Variants in ZNF385C observed in about 807,000 individuals in gnomAD.
The protein encoded by ZNF385C is zinc finger protein 385C.
In ZNF385C, 28 loss-of-function variants were observed where a neutral mutation model predicts 35.4. That is an observed-to-expected ratio of 0.79 (90% CI 0.59 to 1.08). ZNF385C has a LOEUF of 1.08. ZNF385C is among the 50% of genes least tolerant of loss of function. ZNF385C has a pLI of 0.00. For missense variants in ZNF385C, 605 were observed against 595.6 expected (o/e 1.02, Z -0.16); for synonymous variants, 248 against 248.2 (o/e 1.00, Z 0.01).
intron 1 of ZNF385C, among the ~76,000 whole-genome samples, chr17:42,073,348 C>A (rs1176887287): frequency 2.6e-5 from 4 of 152,036 alleles, no homozygotes; most frequent in African/African-American, 9.7e-5. Flanking sequence ...ATGGGAGAAT[C>A]GCTTGAACCT....
intron 1 of ZNF385C, among the ~76,000 whole-genome samples, chr17:42,084,780 TA>T (rs1248192647): frequency 5.3e-5 from 8 of 151,576 alleles, no homozygotes; most frequent in Admixed American, 4.0e-4. Context: ...CCAGCTAATT[TA>T]AAAAAAAATT....
At position 42,050,723 on chromosome 17, in the gene ZNF385C, G is replaced by C. The variant is rs1402813530; in HGVS notation, c.250+12084C>G. On this transcript the variant is annotated intron_variant, in intron 2 of 8. Coordinates refer to ENST00000692273, the MANE Select transcript of ZNF385C (RefSeq NM_001392013.1). The surrounding 1 kb of genome is among the most constrained non-coding windows in gnomAD (Gnocchi z 5.6). Reference sequence around the variant, plus strand: ...GGGCGGCGCCCCCGGGGCTCACCTGGCCGCGCCCACCTGCGGCGCCTCCCG... The same window carrying C: ...GGGCGGCGCCCCCGGGGCTCACCTGCCCGCGCCCACCTGCGGCGCCTCCCG... 1 of 150,462 alleles carries C rather than the reference G, an allele frequency of 6.6e-6. No individual in the cohort carries two copies. The highest frequency in any genetic ancestry group is 1.5e-5 in the Non-Finnish European group (1 of 67,456). The allele number at this position is 150,462 out of a possible 1,614,324, so 9.3% of individuals were successfully genotyped here.
intron 1 of ZNF385C, among the ~76,000 whole-genome samples, chr17:42,071,475 G>C (rs2053623135): frequency 6.6e-6 from 1 of 152,068 alleles, no homozygotes; most frequent in Admixed American, 6.5e-5. Flanking sequence ...AAAGACAGGG[G>C]CTGGCTCTGC....
chr17:42,080,321 C>A (rs1235290242), intron 1 of ZNF385C, among the ~76,000 whole-genome samples: 1 of 152,156 alleles, frequency 6.6e-6, no homozygotes, highest in Non-Finnish European at 1.5e-5. Context: ...GAAGGAAAGG[C>A]CCTGACTACC....
chr17:42,088,696 TG>T (rs532458952), intron 1 of ZNF385C, among the ~76,000 whole-genome samples: 8 of 152,206 alleles, frequency 5.3e-5, no homozygotes, highest in Non-Finnish European at 1.0e-4. Flanking sequence ...GCCTGGGTGT[TG>T]GGGGGAAGAG....
chr17:42,085,929 A>C (rs1160795354), intron 1 of ZNF385C, among the ~76,000 whole-genome samples: 2 of 151,964 alleles, frequency 1.3e-5, no homozygotes, highest in African/African-American at 4.8e-5. Flanking sequence ...TTAGCCAGGC[A>C]TGGTGGCACA....
intron 1 of ZNF385C, among the ~76,000 whole-genome samples, chr17:42,082,355 A>G (rs1258939052): frequency 1.3e-5 from 2 of 152,228 alleles, no homozygotes; most frequent in African/African-American, 2.4e-5. Context: ...AGAGATTCTG[A>G]TGGAATACCA....
At chr17:42,038,243 G>T in intron 2 of ZNF385C, 1 of 559,052 alleles carries the variant, frequency 1.8e-6, no homozygotes, top group East Asian at 3.3e-5. Flanking sequence ...GATGTGCTGG[G>T]ATTCCATTTT....
intron 1 of ZNF385C, among the ~76,000 whole-genome samples, chr17:42,081,829 G>A (rs536364240): frequency 2.0e-5 from 3 of 152,192 alleles, no homozygotes; most frequent in Non-Finnish European, 4.4e-5. Context: ...GAGCTTGTCC[G>A]GCATCCTAGG....
intron 1 of ZNF385C, among the ~76,000 whole-genome samples, chr17:42,081,819 G>A (rs544912960): frequency 1.3e-5 from 2 of 152,234 alleles, no homozygotes; most frequent in South Asian, 4.1e-4. Flanking sequence ...ACCACCTGAG[G>A]AGCTTGTCCG....
At chr17:42,053,085 C>T (rs2053314080) in intron 2 of ZNF385C, among the ~76,000 whole-genome samples, 2 of 152,210 alleles carry the variant, frequency 1.3e-5, no homozygotes, top group African/African-American at 4.8e-5. Context: ...TTCCTCCCCA[C>T]ATTCTCCAGA....
Position 42,063,026 on chromosome 17 carries a change from C to T in ZNF385C, c.31G>A (p.Ala11Thr), listed in dbSNP as rs1427935991. 3.0e-6 allele frequency: 2 copies of T among 670,104 alleles called. No homozygotes were observed. The highest frequency in any genetic ancestry group is 1.6e-5 in the South Asian group (1 of 62,410). 41.5% of individuals were successfully genotyped at this position (670,104 alleles called of 1,614,324 possible). A position where few individuals can be genotyped will look rare whatever the true frequency, so the allele number is the denominator to read the frequency against. The change falls in exon 2 of 9, where the codon GCT becomes ACT. Residue 11 changes from alanine (A) to threonine (T), a missense_variant. Ala to Thr is a moderately conservative substitution (Grantham distance 58, BLOSUM62 0). Coordinates refer to ENST00000692273, the MANE Select transcript of ZNF385C (RefSeq NM_001392013.1). MKRPLSPPPPAEKETPISGAA... is the reference protein window; with the variant it reads MKRPLSPPPPTEKETPISGAA... ...CCAGATATGGGGGTCTCCTTCTCAG[C>T]CGGTGGGGGTGGGCTCAGTGGCCGC...
chr17:42,066,226 A>G (rs923529217), intron 1 of ZNF385C, among the ~76,000 whole-genome samples: 6 of 151,882 alleles, frequency 4.0e-5, no homozygotes, highest in African/African-American at 1.5e-4. Context: ...CTCCCAGCTA[A>G]TTTTTGTATT....
intron 2 of ZNF385C, among the ~76,000 whole-genome samples, chr17:42,044,783 G>C (rs1207164215): frequency 1.3e-5 from 2 of 152,090 alleles, no homozygotes; most frequent in African/African-American, 4.8e-5. Context: ...CCAGACCTGG[G>C]GCCTCAGACT....
Position 42,026,824 on chromosome 17 carries a change from A to T in ZNF385C, c.*73T>A, listed in dbSNP as rs2052588170. 37 of 1,428,148 alleles carry T rather than the reference A, an allele frequency of 2.6e-5. No homozygotes were observed. Among genetic ancestry groups the T allele is most frequent in the Non-Finnish European group, 3.5e-5 (36 of 1,034,500 alleles). The allele number at this position is 1,428,148 out of a possible 1,614,324, so 88.5% of individuals were successfully genotyped here. A position where few individuals can be genotyped will look rare whatever the true frequency, so the allele number is the denominator to read the frequency against. ...TTCACAGTCCCTGTGGCATGTAGGA[A>T]ACCAAGGTGTCTCAGGACAGGAGGA... is the stretch of plus-strand genomic sequence containing the variant. On this transcript the variant is annotated 3_prime_UTR_variant, in exon 9 of 9. Coordinates refer to ENST00000692273, the MANE Select transcript of ZNF385C (RefSeq NM_001392013.1).
chr17:42,075,356 C>A (rs1320513565), intron 1 of ZNF385C, among the ~76,000 whole-genome samples: 1 of 152,174 alleles, frequency 6.6e-6, no homozygotes, highest in Non-Finnish European at 1.5e-5. Flanking sequence ...CAGGGTAGTT[C>A]TGGGCCTTCA....
At position 42,037,825 on chromosome 17, in the gene ZNF385C, G is replaced by A. The variant is rs1457820123; in HGVS notation, c.311C>T (p.Pro104Leu). 4.6e-6 allele frequency: 7 copies of A among 1,519,650 alleles called. No homozygotes were observed. The Admixed American group carries it at 1.1e-4, about 23-fold the overall frequency. The allele number at this position is 1,519,650 out of a possible 1,614,324, so 94.1% of individuals were successfully genotyped here. The change falls in exon 3 of 9, where the codon CCT becomes CTT. Residue 104 changes from proline (P) to leucine (L), a missense_variant. Transcript: ENST00000692273. ...LLASLPLPTRPLQPPLDFKHL... is the reference protein window; with the variant it reads ...LLASLPLPTRLLQPPLDFKHL... Reference sequence around the variant, plus strand: ...CTTGAAGTCCAGCGGGGGCTGCAGAGGCCGGGTGGGCAGGGGCAGGGAGGC... The same window carrying A: ...CTTGAAGTCCAGCGGGGGCTGCAGAAGCCGGGTGGGCAGGGGCAGGGAGGC...
intron 5 of ZNF385C, among the ~76,000 whole-genome samples, chr17:42,029,282 C>T (rs2052672788): frequency 6.6e-6 from 1 of 152,226 alleles, no homozygotes; most frequent in Admixed American, 6.5e-5. Context: ...TCAGAAAGCC[C>T]TCACAGCCCT....
chr17:42,096,418 T>G (rs1457913920), intron 1 of ZNF385C, among the ~76,000 whole-genome samples: 2 of 152,126 alleles, frequency 1.3e-5, no homozygotes, highest in African/African-American at 4.8e-5. Context: ...GGGAGAGGAC[T>G]GGCAGCAGGA....
Sources: gnomAD v4.1 joint callset for allele counts (sites outside exome capture counted in the v4.1 genomes callset) on GRCh38, gnomAD v4.1.1 for gene constraint, Gnocchi (gnomAD v3.1) non-coding constraint, MANE v1.5 for transcripts, NCBI Gene and HGNC (gene_info 2026-07-23, HGNC 2026-07-21) for gene names.